ATXN10: variants seen among roughly 807,000 people sequenced by gnomAD.
The protein encoded by ATXN10 is ataxin 10, also known as ataxin-10.
ATXN10 carries 28 observed loss-of-function variants against 52.9 expected under a neutral mutation model. The observed-to-expected ratio is 0.53, with a 90% CI of 0.39 to 0.73. ATXN10 has a LOEUF of 0.73. Among genes scored for constraint, ATXN10 ranks in the 30% least tolerant of loss-of-function variants. The pLI is 0.00. For missense variants in ATXN10, 565 were observed against 577.0 expected, an observed-to-expected ratio of 0.98 and a Z score of 0.21; for synonymous variants, 226 against 221.5, an observed-to-expected ratio of 1.02 and a Z score of -0.18.
At position 45,774,267 on chromosome 22, in the gene ATXN10, T is replaced by C. The variant is rs1926874995; in HGVS notation, c.1174-32692T>C. On this transcript the variant is annotated intron_variant, in intron 9 of 11. Coordinates refer to ENST00000252934, the MANE Select transcript of ATXN10 (RefSeq NM_013236.4). The surrounding 1 kb of genome is among the most constrained non-coding windows in gnomAD (Gnocchi z 6.2). ...TCCATAACTCTGTGACTGTTGACCA[T>C]GGCCATCTGTCCAGTAGAGTGAGAG... Among the ~76,000 whole-genome samples the C allele has an allele frequency of 1.3e-5, 2 of 152,220 alleles. No individual in the cohort carries two copies. Among genetic ancestry groups the C allele is most frequent in the South Asian group, 4.1e-4 (2 of 4,824 alleles).
At position 45,694,969 on chromosome 22, in the gene ATXN10, A is replaced by C. The variant is rs1260030942; in HGVS notation, c.391+1891A>C. On this transcript the variant is annotated intron_variant, in intron 3 of 11. Coordinates refer to ENST00000252934, the MANE Select transcript of ATXN10 (RefSeq NM_013236.4). ...AAAAAAAAAAAAAAAAAAAAAAACA[A>C]AACCCCAGAAAATTTTAATGTAAAT... Among the ~76,000 whole-genome samples the C allele has an allele frequency of 8.0e-5, 12 of 150,240 alleles. 1 individual carries two copies. Among genetic ancestry groups the C allele is most frequent in the African/African-American group, 3.0e-4 (12 of 40,530 alleles).
intron 9 of ATXN10, among the ~76,000 whole-genome samples, chr22:45,758,682 A>G (rs1157773128): frequency 6.6e-6 from 1 of 152,244 alleles, no homozygotes; most frequent in Non-Finnish European, 1.5e-5. Context: ...GCACACGCAC[A>G]TGTGCATACA....
chr22:45,794,003 A>G (rs1927616234), intron 9 of ATXN10, among the ~76,000 whole-genome samples: 1 of 152,188 alleles, frequency 6.6e-6, no homozygotes, highest in Non-Finnish European at 1.5e-5. Context: ...ACTTTTAACT[A>G]TATGCGAATT....
chr22:45,834,563 C>T (rs969025102), intron 10 of ATXN10, among the ~76,000 whole-genome samples: 1 of 152,198 alleles, frequency 6.6e-6, no homozygotes, highest in African/African-American at 2.4e-5. Flanking sequence ...GACATTGTAT[C>T]GTGGCTGTGT....
intron 9 of ATXN10, among the ~76,000 whole-genome samples, chr22:45,794,448 T>TA (rs778584781): frequency 0.03 from 4,350 of 143,422 alleles, 146 homozygotes; most frequent in African/African-American, 0.086. Context: ...TATTCTTTCT[T>TA]AAAAAAAAAA....
intron 9 of ATXN10, among the ~76,000 whole-genome samples, chr22:45,746,217 A>T (rs577537610): frequency 6.6e-6 from 1 of 151,622 alleles, no homozygotes; most frequent in African/African-American, 2.4e-5. Context: ...CATTCATAAC[A>T]TGATCAATTT....
intron 3 of ATXN10, 125 bp from the exon 4 acceptor site, chr22:45,700,157 T>G (rs1292495361): frequency 1.3e-6 from 1 of 751,064 alleles, no homozygotes; most frequent in Non-Finnish European, 2.1e-6. Flanking sequence ...GGAGACAGAC[T>G]TTAATTTTTA....
In ATXN10 at chr22:45,775,416, C is replaced by T. The variant is rs73444654; in HGVS notation, c.1174-31543C>T. Among the ~76,000 whole-genome samples, 2,202 of 152,246 alleles carry T rather than the reference C, an allele frequency of 0.014. 46 individuals are homozygous for T. The highest frequency in any genetic ancestry group is 0.05 in the African/African-American group (2,079 of 41,524). On this transcript the variant is annotated intron_variant, in intron 9 of 11. Coordinates refer to ENST00000252934, the MANE Select transcript of ATXN10 (RefSeq NM_013236.4). The surrounding 1 kb of genome is among the most constrained non-coding windows in gnomAD (Gnocchi z 4.7). Reference sequence around the variant, plus strand: ...ACAAACATTGTGAGGGTTTGTAGAACGGGTGGGTGCTTGCTGAAAGTTTAT... The same window carrying T: ...ACAAACATTGTGAGGGTTTGTAGAATGGGTGGGTGCTTGCTGAAAGTTTAT...
At position 45,816,737 on chromosome 22, in the gene ATXN10, G is replaced by A. The variant is rs9614786; in HGVS notation, c.1237+9715G>A. On this transcript the variant is annotated intron_variant, in intron 10 of 11. Transcript: ENST00000252934. The surrounding 1 kb of genome is among the most constrained non-coding windows in gnomAD (Gnocchi z 5.8). ...TAAAATGTGAGAAAGCCTGTGTGAA[G>A]CAGATGTTCTGGCTTGCAGAACCTC... 0.051 allele frequency among the ~76,000 whole-genome samples: 7,745 copies of A among 152,308 alleles called. 209 individuals are homozygous for A. Among genetic ancestry groups the A allele is most frequent in the Non-Finnish European group, 0.06 (4,107 of 68,024 alleles).
chr22:45,837,555 C>T lies in ATXN10; in HGVS notation c.1238-5436C>T, dbSNP rs906676948. ...GGGATTACAGGCGTGAGCCACTATG[C>T]CCGGCCTATTTATTTATTAATTCAA... On this transcript the variant is annotated intron_variant, in intron 10 of 11. Transcript: ENST00000252934. This position sits in a 1 kb window ranked among gnomAD's most constrained non-coding sequence, Gnocchi z 5.8. Among the ~76,000 whole-genome samples, 27 of 152,394 alleles carry T rather than the reference C, an allele frequency of 1.8e-4. No homozygotes were observed. The highest frequency in any genetic ancestry group is 6.5e-4 in the African/African-American group (27 of 41,594).
rs558710386 is a variant in ATXN10, at chr22:45,844,405, T to A, written c.*734T>A. The A allele has an allele frequency of 6.6e-6, 1 of 152,554 alleles. No individual in the cohort carries two copies. The highest frequency in any genetic ancestry group is 2.4e-5 in the African/African-American group (1 of 41,586). The allele number at this position is 152,554 out of a possible 1,614,324, so 9.5% of individuals were successfully genotyped here. Reference sequence around the variant, plus strand: ...CATGCCTCTGTCATGGGGGAAGGAATAGCTTATGTTCTGCTCTGGTGCAGT... The same window carrying A: ...CATGCCTCTGTCATGGGGGAAGGAAAAGCTTATGTTCTGCTCTGGTGCAGT... On this transcript the variant is annotated 3_prime_UTR_variant, in exon 12 of 12. Coordinates refer to ENST00000252934, the MANE Select transcript of ATXN10 (RefSeq NM_013236.4).
chr22:45,803,039 GCATTT>G (rs1286272833), intron 9 of ATXN10, among the ~76,000 whole-genome samples: 1 of 152,162 alleles, frequency 6.6e-6, no homozygotes, highest in African/African-American at 2.4e-5. Context: ...TGAACTAATT[GCATTT>G]AACAGTGTGA....
At chr22:45,693,973 A>G (rs538492462) in intron 3 of ATXN10, among the ~76,000 whole-genome samples, 1 of 152,312 alleles carries the variant, frequency 6.6e-6, no homozygotes, top group East Asian at 1.9e-4. Context: ...ATATTTATGA[A>G]TGTGACAGGC....
In ATXN10 at chr22:45,696,392, T is replaced by C. The variant is rs542955829; in HGVS notation, c.391+3314T>C. ...GGGCAGTGTGGCGCTCCAGAGCTGC[T>C]GTGCTGTGGTGGGCGGAAGGAGGTT... is the stretch of plus-strand genomic sequence containing the variant. On this transcript the variant is annotated intron_variant, in intron 3 of 11. Transcript: ENST00000252934. This position sits in a 1 kb window ranked among gnomAD's most constrained non-coding sequence, Gnocchi z 4.7. Among the ~76,000 whole-genome samples the C allele has an allele frequency of 1.7e-4, 26 of 152,340 alleles. 1 individual carries two copies. Among genetic ancestry groups the C allele is most frequent in the Non-Finnish European group, 3.5e-4 (24 of 68,024 alleles).
At chr22:45,793,932 C>T (rs905503231) in intron 9 of ATXN10, among the ~76,000 whole-genome samples, 8 of 152,186 alleles carry the variant, frequency 5.3e-5, no homozygotes, top group African/African-American at 1.9e-4. Context: ...GCAGGGCTGC[C>T]CTATAGGCAG....
In ATXN10 at chr22:45,672,102, C is replaced by T. The variant is rs1250986205; in HGVS notation, c.39C>T (p.Gly13=). The change falls in exon 1 of 12, where the codon GGC becomes GGT. Residue 13 remains glycine, a synonymous_variant. Transcript: ENST00000252934. ...GGCCGCCGCCTGCCAGGCTGTCGGG[C>T]GTCATGGTGCCGGCGCCCATCCAAG... ...APRPPPARLS[G]VMVPAPIQDL... 2.6e-6 allele frequency: 4 copies of T among 1,539,262 alleles called. No homozygotes were observed. The highest frequency in any genetic ancestry group is 2.6e-6 in the Non-Finnish European group (3 of 1,145,400).
rs896061607 is a variant in ATXN10 at position 45,750,267 on chromosome 22, A to ATT, written c.1173+9737_1173+9738dup. ...GTCACCACACCTGGCAAATTTTTGT[A>ATT]TTTTTTTTTGTAGAGGTGGGATTTT... is the stretch of plus-strand genomic sequence containing the variant. On this transcript the variant is annotated intron_variant, in intron 9 of 11. Coordinates refer to ENST00000252934, the MANE Select transcript of ATXN10 (RefSeq NM_013236.4). This position sits in a 1 kb window ranked among gnomAD's most constrained non-coding sequence, Gnocchi z 4.2. Among the ~76,000 whole-genome samples, 1 of 149,780 alleles carries ATT rather than the reference A, an allele frequency of 6.7e-6. No individual in the cohort carries two copies. Among genetic ancestry groups the ATT allele is most frequent in the Non-Finnish European group, 1.5e-5 (1 of 67,226 alleles).
At position 45,793,597 on chromosome 22, in the gene ATXN10, T is replaced by C. The variant is rs553260028; in HGVS notation, c.1174-13362T>C. ...TAGAATTCTGGAGCCTGCACCTTCA[T>C]TTTAGGCAGCTATTGCTTCAGAAGT... On this transcript the variant is annotated intron_variant, in intron 9 of 11. Transcript: ENST00000252934. The C allele has an allele frequency of 1.1e-5, 14 of 1,320,576 alleles. No homozygotes were observed. The African/African-American group carries it at 2.0e-4, about 18-fold the overall frequency. The allele number at this position is 1,320,576 out of a possible 1,614,324, so 81.8% of individuals were successfully genotyped here. A position where few individuals can be genotyped will look rare whatever the true frequency, so the allele number is the denominator to read the frequency against.
chr22:45,838,164 TTGTTTTTC>T (rs1929228116), intron 10 of ATXN10, among the ~76,000 whole-genome samples: 1 of 152,254 alleles, frequency 6.6e-6, no homozygotes, highest in Non-Finnish European at 1.5e-5. Context: ...TTACTGTGGA[TTGTTTTTC>T]TGTATCATGC....
Sources: gnomAD v4.1 joint callset for allele counts (sites outside exome capture counted in the v4.1 genomes callset) on GRCh38, gnomAD v4.1.1 for gene constraint, Gnocchi (gnomAD v3.1) non-coding constraint, MANE v1.5 for transcripts, NCBI Gene and HGNC (gene_info 2026-07-23, HGNC 2026-07-21) for gene names.